The following PHACTR1 variants were observed in gnomAD, a reference collection of about 807,000 sequenced individuals.
PHACTR1 encodes the protein RPEL repeat containing 1.
In PHACTR1, 16 loss-of-function variants were observed where a neutral mutation model predicts 69.2. The ratio of observed to expected loss-of-function variants is 0.23; its 90% CI spans 0.16 to 0.35. The LOEUF (loss-of-function observed/expected upper bound fraction) is 0.35, where lower values mean the gene tolerates loss of function less well. Among genes scored for constraint, PHACTR1 ranks in the 10% least tolerant of loss-of-function variants. PHACTR1 has a pLI of 1.00. For synonymous variants in PHACTR1, 312 were observed against 284.5 expected, an observed-to-expected ratio of 1.10 and a Z score of -0.97; for missense variants, 510 against 734.7, an observed-to-expected ratio of 0.69 and a Z score of 3.54.
At chr6:13,286,602 A>AAAGT (rs1335342710) in intron 14 of PHACTR1, among the ~76,000 whole-genome samples, 4 of 152,238 alleles carry the variant, frequency 2.6e-5, no homozygotes, top group African/African-American at 9.6e-5. Context: ...CGGGACTTCC[A>AAAGT]AAGTGGACCA....
intron 4 of PHACTR1, among the ~76,000 whole-genome samples, chr6:12,865,441 ATGTAAT>A (rs1470576235): frequency 6.8e-6 from 1 of 147,568 alleles, no homozygotes; most frequent in Non-Finnish European, 1.5e-5. Flanking sequence ...CTGAGATACC[ATGTAAT>A]TGTTTAATGG....
chr6:13,238,477 T>C (rs1772339754), intron 10 of PHACTR1, among the ~76,000 whole-genome samples: 1 of 152,228 alleles, frequency 6.6e-6, no homozygotes, highest in Non-Finnish European at 1.5e-5. Context: ...ATCTGTATTT[T>C]ATACTCCTAA....
chr6:13,133,707 T>C (rs878969601), intron 5 of PHACTR1, among the ~76,000 whole-genome samples: 64 of 151,910 alleles, frequency 4.2e-4, no homozygotes, highest in Admixed American at 1.5e-3. Flanking sequence ...AGCCTCTGCC[T>C]GGCTGCCACC....
chr6:13,038,099 T>C (rs566754332), intron 4 of PHACTR1, among the ~76,000 whole-genome samples: 1 of 152,324 alleles, frequency 6.6e-6, no homozygotes, highest in East Asian at 1.9e-4. Flanking sequence ...AGACTAGTAG[T>C]AATTCAGATA....
intron 5 of PHACTR1, among the ~76,000 whole-genome samples, chr6:13,082,003 G>A (rs1811466017): frequency 6.6e-6 from 1 of 152,116 alleles, no homozygotes; most frequent in Non-Finnish European, 1.5e-5. Flanking sequence ...GATCAATCTG[G>A]CCACACTTTC....
chr6:12,983,069 C>T (rs1795711935), intron 4 of PHACTR1, among the ~76,000 whole-genome samples: 1 of 152,220 alleles, frequency 6.6e-6, no homozygotes, highest in South Asian at 2.1e-4. Flanking sequence ...AAAACCAATG[C>T]TTGAGATTTC....
intron 5 of PHACTR1, among the ~76,000 whole-genome samples, chr6:13,104,695 A>G (rs1190842878): frequency 2.6e-5 from 4 of 152,212 alleles, no homozygotes; most frequent in Admixed American, 6.5e-5. Flanking sequence ...TAGAATTAGC[A>G]TAAGTATTAG....
chr6:13,016,004 G>A (rs947032183), intron 4 of PHACTR1, among the ~76,000 whole-genome samples: 1 of 152,178 alleles, frequency 6.6e-6, no homozygotes, highest in African/African-American at 2.4e-5. Context: ...GTGAGGTCAG[G>A]AGTTTAACCC....
intron 4 of PHACTR1, among the ~76,000 whole-genome samples, chr6:12,998,136 G>T (rs1419781372): frequency 6.6e-6 from 1 of 152,060 alleles, no homozygotes; most frequent in Non-Finnish European, 1.5e-5. Flanking sequence ...TGCGCAATAT[G>T]CAGTACTCAG....
chr6:13,003,951 CTATA>C (rs1384494931), intron 4 of PHACTR1, among the ~76,000 whole-genome samples: 4 of 93,548 alleles, frequency 4.3e-5, no homozygotes, highest in Non-Finnish European at 6.1e-5. Context: ...AGTAGTATTC[CTATA>C]TATATATATG....
At chr6:12,872,415 T>G (rs1311090121) in intron 4 of PHACTR1, among the ~76,000 whole-genome samples, 1 of 152,020 alleles carries the variant, frequency 6.6e-6, no homozygotes, top group Non-Finnish European at 1.5e-5. Context: ...GATAAAAAAC[T>G]TAAGAAAGGG....
intron 5 of PHACTR1, among the ~76,000 whole-genome samples, chr6:13,140,135 TAAC>T (rs1822204242): frequency 6.6e-6 from 1 of 152,130 alleles, no homozygotes; most frequent in Admixed American, 6.6e-5. Flanking sequence ...ACACAGATAA[TAAC>T]AAATATTGAT....
At chr6:13,119,639 A>G (rs1937768) in intron 5 of PHACTR1, among the ~76,000 whole-genome samples, 32,173 of 152,124 alleles carry the variant, frequency 0.21, 4,297 homozygotes, top group South Asian at 0.47. Context: ...CCTACTGAGG[A>G]GGAGGTTCAG....
chr6:13,129,719 A>G (rs993850128), intron 5 of PHACTR1, among the ~76,000 whole-genome samples: 1 of 152,184 alleles, frequency 6.6e-6, no homozygotes, highest in Non-Finnish European at 1.5e-5. Context: ...AGGGGCTTCA[A>G]TACTCCACTG....
At chr6:13,071,613 A>G (rs570926590) in intron 5 of PHACTR1, among the ~76,000 whole-genome samples, 2 of 152,282 alleles carry the variant, frequency 1.3e-5, no homozygotes, top group East Asian at 3.9e-4. Context: ...ATGCAGATGT[A>G]ATTTGGCCGT....
chr6:12,896,593 G>A (rs1324414411), intron 4 of PHACTR1, among the ~76,000 whole-genome samples: 1 of 152,134 alleles, frequency 6.6e-6, no homozygotes, highest in Non-Finnish European at 1.5e-5. Flanking sequence ...ACACCATAGG[G>A]CATTGGATGG....
Position 13,283,808 on chromosome 6 carries a change from G to C in PHACTR1, c.1650+246G>C. ...TTTACAGGAGGAGGAGCAGCAGCCT[G>C]GGAGGCTGTGCCCAGAGAAAGAGAA... On this transcript the variant is annotated intron_variant, in intron 13 of 14. Transcript: ENST00000332995. This position sits in a 1 kb window ranked among gnomAD's most constrained non-coding sequence, Gnocchi z 4.7. 6 of 530,854 alleles carry C rather than the reference G, an allele frequency of 1.1e-5. No homozygotes were observed. In the South Asian group the frequency reaches 1.2e-4, roughly 11 times the overall value. 32.9% of individuals were successfully genotyped at this position (530,854 alleles called of 1,614,324 possible). A position where few individuals can be genotyped will look rare whatever the true frequency, so the allele number is the denominator to read the frequency against.
At chr6:13,083,453 TTAAAG>T (rs1391742642) in intron 5 of PHACTR1, among the ~76,000 whole-genome samples, 23 of 152,058 alleles carry the variant, frequency 1.5e-4, no homozygotes, top group Non-Finnish European at 2.5e-4. Context: ...CATATGAACT[TTAAAG>T]TAGTTTTTTC....
chr6:12,721,079 C>T (rs1268782844), intron 3 of PHACTR1, among the ~76,000 whole-genome samples: 2 of 152,150 alleles, frequency 1.3e-5, no homozygotes, highest in African/African-American at 2.4e-5. Flanking sequence ...AAAGCCCATC[C>T]TCTTCTGTTT....
Sources: allele counts gnomAD v4.1 joint callset (sites outside exome capture counted in the v4.1 genomes callset), GRCh38; gene constraint gnomAD v4.1.1; non-coding constraint Gnocchi (gnomAD v3.1); transcripts MANE v1.5; gene names NCBI Gene and HGNC (gene_info 2026-07-23, HGNC 2026-07-21).